The following CLTB variants were observed in gnomAD, a reference collection of about 807,000 sequenced individuals.
The protein encoded by CLTB is clathrin, light chain (Lcb).
CLTB carries 10 observed loss-of-function variants against 30.5 expected under a neutral mutation model. The ratio of observed to expected loss-of-function variants is 0.33; its 90% CI spans 0.20 to 0.56. The LOEUF (loss-of-function observed/expected upper bound fraction) is 0.56. Ranked by LOEUF, CLTB falls within the 20% of genes least tolerant of loss-of-function variation. CLTB has a pLI of 0.91. For missense variants in CLTB, 261 were observed against 308.3 expected, an observed-to-expected ratio of 0.85 and a Z score of 1.15; for synonymous variants, 102 against 120.3, an observed-to-expected ratio of 0.85 and a Z score of 1.00.
rs779069372 is a variant in CLTB, at chr5:176,416,372, C to T, written c.-9G>A. ...CCAAAGTCATCAGCCATTTTCCCCG[C>T]GCCTCCGCCGGAGCCTCCGCTGCGC... On this transcript the variant is annotated 5_prime_UTR_variant, in exon 1 of 6. Transcript: ENST00000310418. The T allele has an allele frequency of 1.9e-6, 3 of 1,585,864 alleles. No individual in the cohort carries two copies. The Admixed American group carries it at 5.2e-5, about 28-fold the overall frequency.
rs543652782 is a variant in CLTB, at chr5:176,406,752, G to A, written c.234+3505C>T. On this transcript the variant is annotated intron_variant, in intron 2 of 5. Coordinates refer to ENST00000310418, the MANE Select transcript of CLTB (RefSeq NM_007097.5). ...AAGGAAGCACAAAAGCTCTGTCTGG[G>A]ATCCTTGAAAGTGTTGGGTGTGCAC... 9.5e-5 allele frequency: 119 copies of A among 1,257,864 alleles called. No individual in the cohort carries two copies. The African/African-American group carries it at 1.6e-3, about 17-fold the overall frequency. 77.9% of individuals were successfully genotyped at this position (1,257,864 alleles called of 1,614,324 possible). A position where few individuals can be genotyped will look rare whatever the true frequency, so the allele number is the denominator to read the frequency against.
intron 4 of CLTB, 39 bp downstream of exon 4, chr5:176,397,566 CAT>C (rs1367196002): frequency 7.6e-7 from 1 of 1,324,384 alleles, no homozygotes; most frequent in African/African-American, 1.5e-5. Flanking sequence ...CAGCCCCCCT[CAT>C]GTCCCCATGG....
At chr5:176,410,449 A>AT in intron 1 of CLTB, 146 bp from the exon 2 acceptor site, 1 of 632,384 alleles carries the variant, frequency 1.6e-6, no homozygotes, top group South Asian at 1.9e-5. Context: ...GGATATATAT[A>AT]TAACTTAGGC....
At chr5:176,401,019 G>A (rs1043618797) in intron 2 of CLTB, among the ~76,000 whole-genome samples, 3 of 152,172 alleles carry the variant, frequency 2.0e-5, no homozygotes, top group Admixed American at 6.5e-5. Context: ...TGGGATCATC[G>A]GGGCAGCTGG....
intron 2 of CLTB, chr5:176,407,470 A>C (rs1481403492): frequency 6.6e-6 from 1 of 152,034 alleles, no homozygotes; most frequent in Non-Finnish European, 1.5e-5. Flanking sequence ...TGCCTAGCCA[A>C]TTTTTGTATT....
chr5:176,403,447 T>A (rs1418587709), intron 2 of CLTB, among the ~76,000 whole-genome samples: 4 of 147,652 alleles, frequency 2.7e-5, no homozygotes, highest in African/African-American at 7.5e-5. Flanking sequence ...TTTTGGTGTT[T>A]TTTTGTTTTG....
At chr5:176,404,772 C>T (rs751174251) in intron 2 of CLTB, among the ~76,000 whole-genome samples, 8 of 152,310 alleles carry the variant, frequency 5.3e-5, no homozygotes, top group Non-Finnish European at 1.2e-4. Context: ...AGGTCCCGGG[C>T]TCCGGTGAAC....
Position 176,413,504 on chromosome 5 carries a change from G to A in CLTB, c.187+2673C>T, listed in dbSNP as rs143797487. On this transcript the variant is annotated intron_variant, in intron 1 of 5. Transcript: ENST00000310418. ...AGAGGAGGGGCTCCCTGTGGCTCCA[G>A]CACAGGCCTACACCAGATACCTCTT... Among the ~76,000 whole-genome samples, 11 of 152,326 alleles carry A rather than the reference G, an allele frequency of 7.2e-5. No individual in the cohort carries two copies. The East Asian group carries it at 1.9e-3, about 27-fold the overall frequency.
In CLTB at chr5:176,416,295, C is replaced by T; in HGVS notation, c.69G>A (p.Pro23=). The part of the protein sequence containing the change: ...SGAPEAAEED[P]AAAFLAQQES... ...CCTGCTGGGCCAGGAAGGCGGCCGCCGGGTCCTCCTCCGCCGCCTCCGGGG... is the reference window on the plus strand; with the variant it reads ...CCTGCTGGGCCAGGAAGGCGGCCGCTGGGTCCTCCTCCGCCGCCTCCGGGG... The change falls in exon 1 of 6, where the codon CCG becomes CCA. Residue 23 remains proline (P), a synonymous_variant. Transcript: ENST00000310418. The T allele has an allele frequency of 1.2e-6, 2 of 1,605,572 alleles. No individual in the cohort carries two copies. The highest frequency in any genetic ancestry group is 1.4e-5 in the African/African-American group (1 of 73,420).
chr5:176,416,170 G>T lies in CLTB; in HGVS notation c.187+7C>A. Reference sequence around the variant, plus strand: ...TGAGCCCCTCTCCAGGCCCCGCGCTGACTCACCCCCACTCGTGGGGCCCGG... The same window carrying T: ...TGAGCCCCTCTCCAGGCCCCGCGCTTACTCACCCCCACTCGTGGGGCCCGG... On this transcript the variant is annotated splice_region_variant and intron_variant, in intron 1 of 5. Coordinates refer to ENST00000310418, the MANE Select transcript of CLTB (RefSeq NM_007097.5). The T allele has an allele frequency of 6.4e-7, 1 of 1,570,066 alleles. No homozygotes were observed. Among genetic ancestry groups the T allele is most frequent in the South Asian group, 1.2e-5 (1 of 86,882 alleles).
intron 2 of CLTB, among the ~76,000 whole-genome samples, chr5:176,399,476 T>A (rs1162033522): frequency 1.3e-5 from 2 of 152,222 alleles, no homozygotes; most frequent in African/African-American, 4.8e-5. Flanking sequence ...GCATGGTAGC[T>A]CATGCCTATA....
chr5:176,409,818 C>G (rs756226503), intron 2 of CLTB, among the ~76,000 whole-genome samples: 6 of 152,174 alleles, frequency 3.9e-5, no homozygotes, highest in Non-Finnish European at 5.9e-5. Context: ...TATAAATAAC[C>G]CTGCAAAGAA....
At position 176,416,506 on chromosome 5, in the gene CLTB, T is replaced by G; in HGVS notation, c.-143A>C. On this transcript the variant is annotated 5_prime_UTR_variant, in exon 1 of 6. Transcript: ENST00000310418. ...GGACGGGCTTGGCGCGGACCGCACT[T>G]CCTCTCCGCCACCGGGCCCGGCTGG... The G allele has an allele frequency of 3.7e-6, 2 of 547,666 alleles. No homozygotes were observed. The highest frequency in any genetic ancestry group is 2.6e-6 in the Non-Finnish European group (1 of 385,098). 33.9% of individuals were successfully genotyped at this position (547,666 alleles called of 1,614,324 possible). A position where few individuals can be genotyped will look rare whatever the true frequency, so the allele number is the denominator to read the frequency against.
intron 5 of CLTB, among the ~76,000 whole-genome samples, chr5:176,394,055 C>T (rs888680792): frequency 2.6e-5 from 4 of 152,194 alleles, no homozygotes; most frequent in African/African-American, 9.7e-5. Flanking sequence ...TGCTCATTTC[C>T]TAGCCTGTAA....
chr5:176,406,349 TCCTGAGGGGCCC>T lies in CLTB; in HGVS notation c.234+3896_234+3907del, dbSNP rs1757119469. ...TCAGTCTAGCTCCCTAGAATCCCTC[TCCTGAGGGGCCC>T]CTCTGCTGGGCCCACCCATGAGAAC... On this transcript the variant is annotated intron_variant, in intron 2 of 5. Transcript: ENST00000310418. 4.5e-6 allele frequency: 5 copies of T among 1,116,492 alleles called. No individual in the cohort carries two copies. The South Asian group carries it at 7.9e-5, about 18-fold the overall frequency. The allele number at this position is 1,116,492 out of a possible 1,614,324, so 69.2% of individuals were successfully genotyped here.
At chr5:176,415,104 A>G (rs898152919) in intron 1 of CLTB, among the ~76,000 whole-genome samples, 2 of 152,222 alleles carry the variant, frequency 1.3e-5, no homozygotes, top group African/African-American at 2.4e-5. Context: ...AATATTTTAC[A>G]AAATCATTCT....
At chr5:176,401,976 G>A in intron 2 of CLTB, 2 of 328,044 alleles carry the variant, frequency 6.1e-6, no homozygotes, top group Non-Finnish European at 1.2e-5. Flanking sequence ...CCTATTCGGA[G>A]TCTAAATCCG....
At position 176,397,800 on chromosome 5, in the gene CLTB, A is replaced by G. The variant is rs1756618285; in HGVS notation, c.353-82T>C. ...CCGCGCTCCTCCCCTGGCCCCTGCCAGGCAGCCACAGGGCCGCACCGGCCC... is the reference window on the plus strand; with the variant it reads ...CCGCGCTCCTCCCCTGGCCCCTGCCGGGCAGCCACAGGGCCGCACCGGCCC... On this transcript the variant is annotated intron_variant, in intron 3 of 5. Coordinates refer to ENST00000310418, the MANE Select transcript of CLTB (RefSeq NM_007097.5). 2.0e-6 allele frequency: 3 copies of G among 1,503,650 alleles called. No individual in the cohort carries two copies. The African/African-American group carries it at 4.1e-5, about 21-fold the overall frequency. 93.1% of individuals were successfully genotyped at this position (1,503,650 alleles called of 1,614,324 possible). A position where few individuals can be genotyped will look rare whatever the true frequency, so the allele number is the denominator to read the frequency against.
At chr5:176,407,173 C>T (rs998543076) in intron 2 of CLTB, among the ~76,000 whole-genome samples, 2 of 152,100 alleles carry the variant, frequency 1.3e-5, no homozygotes, top group African/African-American at 4.8e-5. Flanking sequence ...AGGGAGAAGG[C>T]GGGGGGCCAA....
Sources: gnomAD v4.1 joint callset for allele counts (sites outside exome capture counted in the v4.1 genomes callset) on GRCh38, gnomAD v4.1.1 for gene constraint, MANE v1.5 for transcripts, NCBI Gene and HGNC (gene_info 2026-07-23, HGNC 2026-07-21) for gene names.